Variants in KDM6A observed in about 807,000 individuals in gnomAD.
KDM6A encodes the protein lysine-specific demethylase 6A.
Under a neutral mutation model 117.6 loss-of-function variants are expected in KDM6A, and 11 were observed. The observed-to-expected ratio is 0.09, with a 90% CI of 0.06 to 0.15. The LOEUF (loss-of-function observed/expected upper bound fraction) is 0.15, where lower values mean the gene tolerates loss of function less well. Among genes scored for constraint, KDM6A ranks in the 10% least tolerant of loss-of-function variants. The pLI, the probability that KDM6A is intolerant of heterozygous loss-of-function variation, is 1.00. For missense variants in KDM6A, 799 were observed against 1,077.3 expected (o/e 0.74, Z 3.62); for synonymous variants, 384 against 396.1 (o/e 0.97, Z 0.36).
intron 2 of KDM6A, among the ~76,000 whole-genome samples, chrX:44,893,501 T>C (rs1396595606): frequency 9.3e-6 from 1 of 107,181 alleles, no homozygotes; most frequent in Non-Finnish European, 1.9e-5. Context: ...ATTCATTTGT[T>C]GTGGGAGGTT....
intron 2 of KDM6A, among the ~76,000 whole-genome samples, chrX:44,936,323 A>T (rs1466141844): frequency 1.9e-5 from 2 of 108,063 alleles, no homozygotes; most frequent in Non-Finnish European, 3.9e-5. Flanking sequence ...ATAAGGTAAT[A>T]TTTTTTTTTT....
At chrX:44,901,878 G>A (rs1395867121) in intron 2 of KDM6A, among the ~76,000 whole-genome samples, 1 of 111,724 alleles carries the variant, frequency 9.0e-6, no homozygotes, top group Non-Finnish European at 1.9e-5. Flanking sequence ...ACCTATTTTT[G>A]TCCTTGAATC....
chrX:45,105,006 G>A (rs1412295060), intron 27 of KDM6A, among the ~76,000 whole-genome samples: 1 of 111,490 alleles, frequency 9.0e-6, no homozygotes, highest in Non-Finnish European at 1.9e-5. Context: ...GTAGTCAGTG[G>A]CATTGAAGAT....
At chrX:44,918,203 C>A (rs746928893) in intron 2 of KDM6A, among the ~76,000 whole-genome samples, 1 of 111,255 alleles carries the variant, frequency 9.0e-6, no homozygotes, top group African/African-American at 3.3e-5. Flanking sequence ...CTGAACTAAA[C>A]CCAGTACAAA....
chrX:45,020,190 T>G (rs138066416), intron 5 of KDM6A, among the ~76,000 whole-genome samples: 1,150 of 111,658 alleles, frequency 0.01, 7 homozygotes, highest in Non-Finnish European at 0.017. Context: ...ATGTAAACTT[T>G]TAGAAAGAAG....
At position 44,953,852 on chromosome X, in the gene KDM6A, T is replaced by G. The variant is rs756047196; in HGVS notation, c.226-7432T>G. On this transcript the variant is annotated intron_variant, in intron 2 of 29. Transcript: ENST00000611820. ...TTGGGAGGCCAAGGCGGGTGGATCGTTTGAGACCCGCCTGGCCAGCATGGT... is the reference window on the plus strand; with the variant it reads ...TTGGGAGGCCAAGGCGGGTGGATCGGTTGAGACCCGCCTGGCCAGCATGGT... Among the ~76,000 whole-genome samples, 330 of 110,914 alleles carry G rather than the reference T, an allele frequency of 3.0e-3. 2 individuals are homozygous for G. Among genetic ancestry groups the G allele is most frequent in the Non-Finnish European group, 5.1e-3 (270 of 52,840 alleles).
intron 2 of KDM6A, among the ~76,000 whole-genome samples, chrX:44,891,165 G>T (rs947739011): frequency 1.6e-4 from 18 of 111,132 alleles, no homozygotes; most frequent in Non-Finnish European, 3.4e-4. Context: ...CAGTGCAAAG[G>T]TTTTTAATTT....
intron 2 of KDM6A, among the ~76,000 whole-genome samples, chrX:44,897,057 C>CCTAT (rs1481069635): frequency 9.1e-6 from 1 of 109,384 alleles, no homozygotes; most frequent in Non-Finnish European, 1.9e-5. Context: ...CTTTTTCAGT[C>CCTAT]CTATTCTCTC....
intron 4 of KDM6A, among the ~76,000 whole-genome samples, chrX:44,992,206 C>CTTTTTTTTTTT (rs779979560): frequency 3.7e-4 from 12 of 32,060 alleles, no homozygotes; most frequent in Non-Finnish European, 5.3e-4. Context: ...CTGTCTTCTT[C>CTTTTTTTTTTT]TTTTTTTTTT....
At chrX:45,078,590 T>TTTTTTTC (rs1253513186) in intron 20 of KDM6A, 85 bp downstream of exon 20, 6 of 766,003 alleles carry the variant, frequency 7.8e-6, no homozygotes, top group South Asian at 5.3e-5. Context: ...ATACTTTTCT[T>TTTTTTTC]TTTTTTCTTT....
At chrX:44,876,857 G>GTATACATATATACACACGTGTACA (rs1247648359) in intron 2 of KDM6A, among the ~76,000 whole-genome samples, 1 of 110,003 alleles carries the variant, frequency 9.1e-6, no homozygotes, top group Non-Finnish European at 1.9e-5. Context: ...ACATATGTAC[G>GTATACATATATACACACGTGTACA]TATACATATA....
chrX:45,106,176 G>A (rs1386717225), intron 27 of KDM6A, among the ~76,000 whole-genome samples: 1 of 111,230 alleles, frequency 9.0e-6, no homozygotes, highest in African/African-American at 3.3e-5. Flanking sequence ...TTTGAATATT[G>A]CACTTAAGGA....
chrX:44,989,439 GA>G (rs1409777511), intron 4 of KDM6A, among the ~76,000 whole-genome samples: 6 of 108,449 alleles, frequency 5.5e-5, no homozygotes, highest in African/African-American at 2.0e-4. Flanking sequence ...TCCCCAGTGA[GA>G]TGAACCCAGT....
At chrX:44,940,949 C>T (rs1415802595) in intron 2 of KDM6A, among the ~76,000 whole-genome samples, 2 of 111,151 alleles carry the variant, frequency 1.8e-5, no homozygotes, top group Admixed American at 9.5e-5. Context: ...GGAGGAGAAT[C>T]GCTTGAATCC....
Position 45,090,706 on chromosome X carries a change from G to GTTTTTT in KDM6A, c.3893-11_3893-6dup. The GTTTTTT allele has an allele frequency of 1.1e-6, 1 of 929,352 alleles. No homozygotes were observed. The highest frequency in any genetic ancestry group is 1.5e-6 in the Non-Finnish European group (1 of 683,678). 76.6% of individuals were successfully genotyped at this position (929,352 alleles called of 1,213,427 possible). ...TGGTACTTTGGGTTGCTTTATAACT[G>GTTTTTT]TTTTTTTTTTTCCTAGCCTGCCAGT... On this transcript the variant is annotated splice_polypyrimidine_tract_variant and intron_variant, in intron 26 of 29. Coordinates refer to ENST00000611820, the MANE Select transcript of KDM6A (RefSeq NM_001291415.2).
rs747821170 is a variant in KDM6A at position 44,963,440 on chromosome X, A to AGTGTGTGTGTGT, written c.334+2083_334+2094dup. Among the ~76,000 whole-genome samples the AGTGTGTGTGTGT allele has an allele frequency of 4.8e-3, 337 of 69,835 alleles. 1 individual carries two copies. The highest frequency in any genetic ancestry group is 6.0e-3 in the Non-Finnish European group (229 of 38,102). 60.6% of individuals were successfully genotyped at this position (69,835 alleles called of 115,157 possible). A position where few individuals can be genotyped will look rare whatever the true frequency, so the allele number is the denominator to read the frequency against. ...CACTGCACTCCAGCCAGGGTGACAG[A>AGTGTGTGTGTGT]GTGTGTGTGTGTGTGTGTGTGTGTG... On this transcript the variant is annotated intron_variant, in intron 3 of 29. Transcript: ENST00000611820.
intron 2 of KDM6A, among the ~76,000 whole-genome samples, chrX:44,946,539 C>T (rs1287022709): frequency 2.7e-5 from 3 of 111,010 alleles, no homozygotes; most frequent in South Asian, 3.7e-4. Context: ...TTTTTATAAA[C>T]ATAAGTTCTG....
chrX:45,034,939 G>A lies in KDM6A; in HGVS notation c.573G>A (p.Gln191=). Residue 191 remains glutamine (Q), a synonymous_variant, in exon 7 of 30, where the codon CAG becomes CAA. Transcript: ENST00000611820. ...TDYESSLKHF[Q]LALVDCNPCT... is the part of the protein sequence containing the mutation. ...TCACTCTCGTCTTGCAGCATTTTCA[G>A]TTAGCTTTGGTTGACTGTAATCCCT... The A allele has an allele frequency of 8.3e-7, 1 of 1,206,534 alleles. No individual in the cohort carries two copies. Among genetic ancestry groups the A allele is most frequent in the Non-Finnish European group, 1.1e-6 (1 of 890,841 alleles).
At chrX:45,088,065 G>A (rs896935208) in intron 25 of KDM6A, among the ~76,000 whole-genome samples, 3 of 110,988 alleles carry the variant, frequency 2.7e-5, no homozygotes, top group Admixed American at 9.6e-5. Flanking sequence ...GGCGGGGGGT[G>A]TCTGTTTGGG....
Sources: gnomAD v4.1 joint callset for allele counts (sites outside exome capture counted in the v4.1 genomes callset) on GRCh38, gnomAD v4.1.1 for gene constraint, MANE v1.5 for transcripts, NCBI Gene and HGNC (gene_info 2026-07-23, HGNC 2026-07-21) for gene names.